TRPC4: variants seen among roughly 807,000 people sequenced by gnomAD.
The protein encoded by TRPC4 is transient receptor potential cation channel subfamily C member 4.
A neutral mutation model predicts 99.4 loss-of-function variants in TRPC4; 49 were observed. The observed-to-expected ratio is 0.49, with a 90% confidence interval of 0.39 to 0.63. The LOEUF is 0.63. Among genes scored for constraint, TRPC4 ranks in the 20% least tolerant of loss-of-function variants. The pLI is 0.00. For missense variants in TRPC4, 898 were observed against 1,152.9 expected, an observed-to-expected ratio of 0.78 and a Z score of 3.20; for synonymous variants, 454 against 425.9, an observed-to-expected ratio of 1.07 and a Z score of -0.81.
intron 3 of TRPC4, among the ~76,000 whole-genome samples, chr13:37,702,156 GCCTCATTTCACATC>G (rs1795648101): frequency 6.6e-6 from 1 of 152,094 alleles, no homozygotes; most frequent in South Asian, 2.1e-4. Flanking sequence ...CTCCCTGTAT[GCCTCATTTCACATC>G]ATCTTCTCTC....
At chr13:37,738,798 GA>G (rs1189950040) in intron 3 of TRPC4, among the ~76,000 whole-genome samples, 1 of 152,152 alleles carries the variant, frequency 6.6e-6, no homozygotes, top group African/African-American at 2.4e-5. Context: ...TGGGCATTAA[GA>G]AAGGTAAAAC....
intron 2 of TRPC4, among the ~76,000 whole-genome samples, chr13:37,749,550 G>A (rs1566142291): frequency 6.6e-6 from 1 of 152,016 alleles, no homozygotes; most frequent in African/African-American, 2.4e-5. Context: ...GGACAGGTTT[G>A]GGTCCTCTCC....
intron 1 of TRPC4, among the ~76,000 whole-genome samples, chr13:37,827,158 C>T (rs919379106): frequency 1.3e-5 from 2 of 152,016 alleles, no homozygotes; most frequent in African/African-American, 2.4e-5. Flanking sequence ...ATTGGTTATT[C>T]TAGTTATACA....
intron 1 of TRPC4, among the ~76,000 whole-genome samples, chr13:37,859,308 A>T (rs986171526): frequency 4.0e-5 from 6 of 151,462 alleles, no homozygotes; most frequent in African/African-American, 1.4e-4. Flanking sequence ...AGAAGGAAAA[A>T]ATGAAGGTCA....
chr13:37,703,796 T>A (rs1954179486), intron 3 of TRPC4, among the ~76,000 whole-genome samples: 1 of 152,154 alleles, frequency 6.6e-6, no homozygotes, highest in Non-Finnish European at 1.5e-5. Flanking sequence ...TTAAATTAAA[T>A]ATACATCTAC....
chr13:37,829,877 G>C (rs1052827117), intron 1 of TRPC4, among the ~76,000 whole-genome samples: 1 of 152,172 alleles, frequency 6.6e-6, no homozygotes, highest in Non-Finnish European at 1.5e-5. Context: ...AGTTAGGGAA[G>C]TCAGACACAA....
intron 1 of TRPC4, among the ~76,000 whole-genome samples, chr13:37,857,173 C>T (rs991672004): frequency 6.6e-6 from 1 of 151,370 alleles, no homozygotes; most frequent in African/African-American, 2.4e-5. Context: ...ATCCCATTTA[C>T]AATAGCCACA....
rs1951485008 is a variant in TRPC4 at position 37,635,311 on chromosome 13, GC to G, written c.*1591del. On this transcript the variant is annotated 3_prime_UTR_variant, in exon 11 of 11. Coordinates refer to ENST00000379705, the MANE Select transcript of TRPC4 (RefSeq NM_016179.4). The stretch of plus-strand genomic sequence containing the variant: ...TGGACACATCACAGCTCCATCATGA[GC>G]TGTATTACCTTAGCCAGTTAGTGCT... Among the ~76,000 whole-genome samples, 3 of 152,266 alleles carry G rather than the reference GC, an allele frequency of 2.0e-5. No homozygotes were observed. In the South Asian group the frequency reaches 6.2e-4, roughly 32 times the overall value.
intron 2 of TRPC4, among the ~76,000 whole-genome samples, chr13:37,772,368 A>C (rs1353749598): frequency 6.6e-6 from 1 of 151,694 alleles, no homozygotes; most frequent in Non-Finnish European, 1.5e-5. Context: ...GACTACCCCA[A>C]TGAACAAACG....
chr13:37,717,483 T>G (rs1292499003), intron 3 of TRPC4, among the ~76,000 whole-genome samples: 2 of 152,148 alleles, frequency 1.3e-5, no homozygotes, highest in African/African-American at 4.8e-5. Flanking sequence ...CTGAAACATT[T>G]CTTTATGAGC....
chr13:37,837,032 G>T (rs1958585276), intron 1 of TRPC4, among the ~76,000 whole-genome samples: 4 of 152,282 alleles, frequency 2.6e-5, no homozygotes, highest in Admixed American at 2.6e-4. Context: ...GGCTTCACAG[G>T]GTGCAAGCCT....
intron 1 of TRPC4, among the ~76,000 whole-genome samples, chr13:37,858,254 G>A (rs1959190582): frequency 6.6e-6 from 1 of 151,592 alleles, no homozygotes; most frequent in South Asian, 2.1e-4. Flanking sequence ...CTATTCAAAA[G>A]GCAGACAATA....
intron 6 of TRPC4, among the ~76,000 whole-genome samples, chr13:37,662,872 G>T (rs990465925): frequency 6.6e-6 from 1 of 152,202 alleles, no homozygotes; most frequent in African/African-American, 2.4e-5. Context: ...TGCTCATCCA[G>T]CCATAAGGGC....
intron 2 of TRPC4, among the ~76,000 whole-genome samples, chr13:37,766,636 A>G (rs1001971963): frequency 2.0e-5 from 3 of 151,426 alleles, no homozygotes; most frequent in African/African-American, 7.3e-5. Context: ...TAGGGTAGGA[A>G]GTCTGAATGC....
intron 2 of TRPC4, among the ~76,000 whole-genome samples, chr13:37,774,596 T>C (rs906849646): frequency 1.3e-5 from 2 of 151,744 alleles, no homozygotes; most frequent in South Asian, 2.1e-4. Flanking sequence ...ATTATTTTAT[T>C]ACCCATGTAT....
At chr13:37,800,741 A>C (rs1957378892) in intron 1 of TRPC4, among the ~76,000 whole-genome samples, 1 of 151,982 alleles carries the variant, frequency 6.6e-6, no homozygotes, top group African/African-American at 2.4e-5. Flanking sequence ...ACAGGACACT[A>C]AATAAAAATA....
At chr13:37,846,513 T>A (rs1174921790) in intron 1 of TRPC4, among the ~76,000 whole-genome samples, 2 of 152,042 alleles carry the variant, frequency 1.3e-5, no homozygotes, top group Non-Finnish European at 2.9e-5. Flanking sequence ...CTTAAAGTAG[T>A]CTGTTACAGG....
chr13:37,799,351 C>T (rs1311054785), intron 1 of TRPC4, among the ~76,000 whole-genome samples: 1 of 152,138 alleles, frequency 6.6e-6, no homozygotes, highest in Non-Finnish European at 1.5e-5. Context: ...TCTGATTTTT[C>T]TACTAGATAA....
At chr13:37,788,723 A>C (rs1957032885) in intron 1 of TRPC4, among the ~76,000 whole-genome samples, 1 of 151,774 alleles carries the variant, frequency 6.6e-6, no homozygotes, top group South Asian at 2.1e-4. Context: ...TCTTATCATC[A>C]CTTGCTGTTT....
Sources: allele counts gnomAD v4.1 joint callset (sites outside exome capture counted in the v4.1 genomes callset), GRCh38; gene constraint gnomAD v4.1.1; transcripts MANE v1.5; gene names NCBI Gene and HGNC (gene_info 2026-07-23, HGNC 2026-07-21).